PDE1A: variants seen among roughly 807,000 people sequenced by gnomAD.
PDE1A encodes the protein phosphodiesterase 1A, also known as dual specificity calcium/calmodulin-dependent 3',5'-cyclic nucleotide phosphodiesterase 1A.
In PDE1A, 35 loss-of-function variants were observed where a neutral mutation model predicts 61.7. The ratio of observed to expected loss-of-function variants is 0.57; its 90% CI spans 0.43 to 0.75. PDE1A has a LOEUF of 0.75. PDE1A is among the 30% of genes least tolerant of loss of function. The pLI, the probability that PDE1A is intolerant of heterozygous loss-of-function variation, is 0.00. For synonymous variants in PDE1A, 232 were observed against 213.2 expected, an observed-to-expected ratio of 1.09 and a Z score of -0.77; for missense variants, 597 against 630.6, an observed-to-expected ratio of 0.95 and a Z score of 0.57.
At chr2:182,533,077 C>G in the PDE1A span, among the ~76,000 whole-genome samples, 2 of 151,652 alleles carry the variant, frequency 1.3e-5, no homozygotes, top group Non-Finnish European at 1.5e-5. Flanking sequence ...TTTGGGAGGC[C>G]AAAGCCGGTG....
At chr2:182,462,870 T>G (rs1263843948) in intron 2 of PDE1A, among the ~76,000 whole-genome samples, 3 of 152,220 alleles carry the variant, frequency 2.0e-5, no homozygotes, top group African/African-American at 7.2e-5. Flanking sequence ...CAATCTGTTT[T>G]ATGAGTTTTA....
chr2:182,286,032 A>G (rs1305196338), intron 1 of PDE1A, among the ~76,000 whole-genome samples: 2 of 152,172 alleles, frequency 1.3e-5, no homozygotes, highest in Non-Finnish European at 2.9e-5. Context: ...CTTGATTTGT[A>G]GAGAAAATTA....
intron 2 of PDE1A, among the ~76,000 whole-genome samples, chr2:182,456,557 T>TA (rs1685934836): frequency 6.6e-6 from 1 of 152,088 alleles, no homozygotes; most frequent in African/African-American, 2.4e-5. Flanking sequence ...TGATGACACT[T>TA]AGAGATTCTG....
At position 182,416,818 on chromosome 2, in the gene PDE1A, G is replaced by A. The variant is rs1702946274; in HGVS notation, c.53+9760C>T. Among the ~76,000 whole-genome samples, 6 of 152,240 alleles carry A rather than the reference G, an allele frequency of 3.9e-5. No individual in the cohort carries two copies. The South Asian group carries it at 1.0e-3, about 26-fold the overall frequency. The stretch of plus-strand genomic sequence containing the variant: ...TGTTTAGGAAAATATTAGAGTAAAC[G>A]AGTTTTACTACAAAACTTCTAATAT... On this transcript the variant is annotated intron_variant, in intron 1 of 13. Transcript: ENST00000351439.
the PDE1A span, among the ~76,000 whole-genome samples, chr2:182,558,088 A>G: frequency 6.6e-6 from 1 of 152,194 alleles, no homozygotes; most frequent in African/African-American, 2.4e-5. Flanking sequence ...GTTTGAGTTG[A>G]AAATAATTTA....
At chr2:182,470,016 A>G (rs555742819) in intron 2 of PDE1A, among the ~76,000 whole-genome samples, 1 of 151,970 alleles carries the variant, frequency 6.6e-6, no homozygotes, top group South Asian at 2.1e-4. Context: ...ACCACAATAA[A>G]TATAATAATA....
rs73036226 is a variant in PDE1A at position 182,276,315 on chromosome 2, C to T, written c.54-11901G>A. 6.8e-3 allele frequency among the ~76,000 whole-genome samples: 1,040 copies of T among 152,106 alleles called. 8 individuals are homozygous for T. The highest frequency in any genetic ancestry group is 0.023 in the African/African-American group (946 of 41,486). On this transcript the variant is annotated intron_variant, in intron 1 of 13. Transcript: ENST00000351439. The stretch of plus-strand genomic sequence containing the variant: ...CAAACGGAGGAAGCAGCTGGAGCCG[C>T]GGCAGAGGAACATAAATTGCAAATA...
chr2:182,188,639 T>C (rs1376879100), intron 11 of PDE1A, among the ~76,000 whole-genome samples: 2 of 152,226 alleles, frequency 1.3e-5, no homozygotes, highest in Non-Finnish European at 2.9e-5. Flanking sequence ...AACATTTTCA[T>C]TGAGTTGACC....
the PDE1A span, among the ~76,000 whole-genome samples, chr2:182,530,368 G>C: frequency 6.6e-6 from 1 of 151,938 alleles, no homozygotes; most frequent in Admixed American, 6.6e-5. Context: ...AAAACTCAAA[G>C]AAATAATAAA....
At chr2:182,700,579 A>G in the PDE1A span, among the ~76,000 whole-genome samples, 290 of 151,846 alleles carry the variant, frequency 1.9e-3, 1 homozygote, top group African/African-American at 6.7e-3. Context: ...AAAATTAGCC[A>G]GGTGTGGTGG....
At chr2:182,620,889 G>T in the PDE1A span, among the ~76,000 whole-genome samples, 2 of 152,026 alleles carry the variant, frequency 1.3e-5, no homozygotes, top group African/African-American at 4.8e-5. Context: ...AACACATTTT[G>T]TCCTCAATGC....
At chr2:182,339,155 T>C (rs1698023336) in intron 1 of PDE1A, among the ~76,000 whole-genome samples, 1 of 152,172 alleles carries the variant, frequency 6.6e-6, no homozygotes, top group Admixed American at 6.5e-5. Flanking sequence ...ACAGGGTGTG[T>C]TACTAGGAGT....
the PDE1A span, among the ~76,000 whole-genome samples, chr2:182,586,133 A>G: frequency 2.7e-4 from 41 of 152,270 alleles, no homozygotes; most frequent in Middle Eastern, 3.4e-3. Flanking sequence ...TGAGGTATTC[A>G]TTTTCAGTAT....
At chr2:182,232,067 G>A (rs1403272465) in intron 4 of PDE1A, among the ~76,000 whole-genome samples, 1 of 152,102 alleles carries the variant, frequency 6.6e-6, no homozygotes, top group Non-Finnish European at 1.5e-5. Context: ...CTTTGCTTGA[G>A]GGACAAGTGG....
At chr2:182,145,038 C>T (rs1690422087), downstream of PDE1A, among the ~76,000 whole-genome samples, 1 of 152,178 alleles carries the variant, frequency 6.6e-6, no homozygotes, top group Non-Finnish European at 1.5e-5. Flanking sequence ...ATCGTCACCC[C>T]TCCTGTTGTT....
chr2:182,562,787 T>A, the PDE1A span, among the ~76,000 whole-genome samples: 7 of 151,998 alleles, frequency 4.6e-5, no homozygotes, highest in African/African-American at 1.4e-4. Flanking sequence ...GTCTTGGGAG[T>A]GTGTATATGT....
At chr2:182,696,710 G>A in the PDE1A span, among the ~76,000 whole-genome samples, 2 of 152,136 alleles carry the variant, frequency 1.3e-5, no homozygotes, top group African/African-American at 2.4e-5. Flanking sequence ...GGATGTGCAT[G>A]TGTGGGGACA....
chr2:182,224,449 A>T (rs923415009), intron 6 of PDE1A, among the ~76,000 whole-genome samples: 1 of 151,942 alleles, frequency 6.6e-6, no homozygotes, highest in South Asian at 2.1e-4. Context: ...TCATGTTTAG[A>T]GATTTAGAAG....
intron 1 of PDE1A, among the ~76,000 whole-genome samples, chr2:182,357,914 G>A (rs946415639): frequency 1.3e-5 from 2 of 152,286 alleles, no homozygotes; most frequent in Middle Eastern, 3.4e-3. Context: ...AGATTTATAA[G>A]CAGTTTGTCC....
Sources: allele counts gnomAD v4.1 joint callset (sites outside exome capture counted in the v4.1 genomes callset), GRCh38; gene constraint gnomAD v4.1.1; transcripts MANE v1.5; gene names NCBI Gene and HGNC (gene_info 2026-07-23, HGNC 2026-07-21).